Variants in ZFAND6 observed in about 807,000 individuals in gnomAD.
The protein encoded by ZFAND6 is AN1-type zinc finger protein 6.
A neutral mutation model predicts 24.5 loss-of-function variants in ZFAND6; 12 were observed. The ratio of observed to expected loss-of-function variants is 0.49; its 90% CI spans 0.31 to 0.79. ZFAND6 has a LOEUF of 0.79. Ranked by LOEUF, ZFAND6 falls within the 30% of genes least tolerant of loss-of-function variation. The pLI is 0.04. For synonymous variants in ZFAND6, 92 were observed against 81.5 expected, an observed-to-expected ratio of 1.13 and a Z score of -0.69; for missense variants, 207 against 245.9, an observed-to-expected ratio of 0.84 and a Z score of 1.06.
chr15:80,103,074 G>A (rs1327176900), intron 2 of ZFAND6, among the ~76,000 whole-genome samples: 1 of 152,110 alleles, frequency 6.6e-6, no homozygotes, highest in Non-Finnish European at 1.5e-5. Context: ...TTGTCTGGAG[G>A]GTTTATCCCA....
chr15:80,078,425 A>G (rs531043155), intron 1 of ZFAND6, among the ~76,000 whole-genome samples: 146 of 152,360 alleles, frequency 9.6e-4, no homozygotes, highest in African/African-American at 3.3e-3. Flanking sequence ...CCCATAATGT[A>G]TATGTACCAC....
At chr15:80,090,215 C>G (rs1596239200) in intron 1 of ZFAND6, among the ~76,000 whole-genome samples, 2 of 152,114 alleles carry the variant, frequency 1.3e-5, no homozygotes, top group South Asian at 4.1e-4. Context: ...TTTCTGTATC[C>G]TCAGTATCTG....
chr15:80,081,341 T>C (rs1454632990), intron 1 of ZFAND6, among the ~76,000 whole-genome samples: 1 of 152,172 alleles, frequency 6.6e-6, no homozygotes, highest in Non-Finnish European at 1.5e-5. Context: ...ACATACTGTT[T>C]GATAAAAGTA....
intron 5 of ZFAND6, among the ~76,000 whole-genome samples, chr15:80,123,831 C>T (rs2142024267): frequency 6.6e-6 from 1 of 152,310 alleles, no homozygotes; most frequent in South Asian, 2.1e-4. Context: ...TATGATCGTG[C>T]CACTGCACTC....
At chr15:80,133,401 G>GC (rs1241901054) in intron 6 of ZFAND6, among the ~76,000 whole-genome samples, 2 of 151,938 alleles carry the variant, frequency 1.3e-5, no homozygotes, top group African/African-American at 4.8e-5. Context: ...CACCACGTTG[G>GC]CCAGGCTGCT....
chr15:80,076,705 T>TGAGC (rs202085192), intron 1 of ZFAND6, among the ~76,000 whole-genome samples: 5,905 of 152,274 alleles, frequency 0.039, 150 homozygotes, highest in Non-Finnish European at 0.053. Flanking sequence ...ACTAGCATAC[T>TGAGC]TTAAAACTGA....
intron 1 of ZFAND6, among the ~76,000 whole-genome samples, chr15:80,079,710 C>G (rs1342492862): frequency 1.6e-5 from 2 of 128,956 alleles, no homozygotes; most frequent in Non-Finnish European, 3.1e-5. Context: ...AGTGCAGTGG[C>G]GCAAACTTGG....
At chr15:80,066,678 C>T (rs2036659924) in intron 1 of ZFAND6, among the ~76,000 whole-genome samples, 1 of 151,846 alleles carries the variant, frequency 6.6e-6, no homozygotes, top group Non-Finnish European at 1.5e-5. Context: ...GCTGAGATCA[C>T]TTGATGTCAA....
chr15:80,089,988 A>G (rs1052254807), intron 1 of ZFAND6, among the ~76,000 whole-genome samples: 12 of 152,110 alleles, frequency 7.9e-5, no homozygotes, highest in African/African-American at 2.9e-4. Flanking sequence ...CCATAAACCA[A>G]AACAATCCTT....
chr15:80,085,915 T>C (rs2037971405), intron 1 of ZFAND6, among the ~76,000 whole-genome samples: 1 of 152,206 alleles, frequency 6.6e-6, no homozygotes, highest in South Asian at 2.1e-4. Flanking sequence ...TACTTACCAT[T>C]GTGTATTACT....
chr15:80,067,968 T>A (rs28620244), intron 1 of ZFAND6, among the ~76,000 whole-genome samples: 15 of 151,864 alleles, frequency 9.9e-5, no homozygotes, highest in African/African-American at 2.4e-4. Context: ...ATTAAAAAAA[T>A]TTTTTTTTCT....
intron 5 of ZFAND6, among the ~76,000 whole-genome samples, chr15:80,124,162 G>A (rs1052523216): frequency 4.6e-5 from 7 of 152,198 alleles, no homozygotes; most frequent in African/African-American, 1.2e-4. Context: ...GACTGGGCGC[G>A]GTGGCTCACG....
At chr15:80,065,537 A>ATTTTTTTTTTTTTTTTT (rs149756891) in intron 1 of ZFAND6, among the ~76,000 whole-genome samples, 11 of 76,496 alleles carry the variant, frequency 1.4e-4, no homozygotes, top group South Asian at 5.2e-4. Context: ...TTTGGTTTTG[A>ATTTTTTTTTTTTTTTTT]TTTTTTTTTT....
At chr15:80,070,506 G>C (rs973812222) in intron 1 of ZFAND6, among the ~76,000 whole-genome samples, 2 of 152,138 alleles carry the variant, frequency 1.3e-5, no homozygotes, top group African/African-American at 4.8e-5. Flanking sequence ...AATGAAATAA[G>C]CTAACTCTTA....
chr15:80,113,604 AG>A (rs1241206012), intron 2 of ZFAND6, among the ~76,000 whole-genome samples: 2 of 152,196 alleles, frequency 1.3e-5, no homozygotes, highest in African/African-American at 4.8e-5. Flanking sequence ...TGAATATTGC[AG>A]TGTGAAACAT....
chr15:80,059,949 C>A (rs1329076208), intron 1 of ZFAND6, 140 bp downstream of exon 1: 1 of 150,970 alleles, frequency 6.6e-6, no homozygotes, highest in Non-Finnish European at 1.5e-5. Context: ...GGAGGGCGGC[C>A]GGCCGGCGCA....
rs566292665 is a variant in ZFAND6, at chr15:80,118,316, G to T, written c.-17-2012G>T. Among the ~76,000 whole-genome samples the T allele has an allele frequency of 4.9e-5, 5 of 101,096 alleles. No individual in the cohort carries two copies. The East Asian group carries it at 1.1e-3, about 23-fold the overall frequency. 66.3% of individuals were successfully genotyped at this position (101,096 alleles called of 152,430 possible). On this transcript the variant is annotated intron_variant, in intron 2 of 6. Transcript: ENST00000261749. ...TTTTTTGTATTTTTAGTAGAGATGGGGTTTCACCATGTTAGCCAGGATGGC... is the reference window on the plus strand; with the variant it reads ...TTTTTTGTATTTTTAGTAGAGATGGTGTTTCACCATGTTAGCCAGGATGGC...
intron 1 of ZFAND6, among the ~76,000 whole-genome samples, chr15:80,068,128 G>GT (rs60285625): frequency 0.012 from 1,747 of 146,794 alleles, 40 homozygotes; most frequent in African/African-American, 0.039. Flanking sequence ...CGCCTGGCCT[G>GT]TTTTTTTTTT....
chr15:80,087,827 T>C (rs1440431895), intron 1 of ZFAND6, among the ~76,000 whole-genome samples: 1 of 152,218 alleles, frequency 6.6e-6, no homozygotes, highest in African/African-American at 2.4e-5. Flanking sequence ...GTTTGCTTTA[T>C]CATATTCTTA....
Sources: allele counts gnomAD v4.1 joint callset (sites outside exome capture counted in the v4.1 genomes callset), GRCh38; gene constraint gnomAD v4.1.1; transcripts MANE v1.5; gene names NCBI Gene and HGNC (gene_info 2026-07-23, HGNC 2026-07-21).